PAQR3: variants seen among roughly 807,000 people sequenced by gnomAD.
The protein encoded by PAQR3 is Raf kinase trapping to Golgi.
PAQR3 carries 39 observed loss-of-function variants against 41.7 expected under a neutral mutation model. That is an observed-to-expected ratio of 0.93 (90% confidence interval 0.72 to 1.22). The LOEUF is 1.22. PAQR3 is among the 50% of genes most tolerant of loss of function. The pLI is 0.00. For synonymous variants in PAQR3, 140 were observed against 140.6 expected, an observed-to-expected ratio of 1.00 and a Z score of 0.03; for missense variants, 366 against 385.6, an observed-to-expected ratio of 0.95 and a Z score of 0.42.
In PAQR3 at chr4:78,938,946, C is replaced by T. The variant is rs142357688; in HGVS notation, c.185+94G>A. 2.3e-4 allele frequency: 282 copies of T among 1,246,466 alleles called. 1 individual carries two copies. The highest frequency in any genetic ancestry group is 2.9e-4 in the Non-Finnish European group (262 of 896,246). The allele number at this position is 1,246,466 out of a possible 1,614,324, so 77.2% of individuals were successfully genotyped here. On this transcript the variant is annotated intron_variant, in intron 1 of 5. Coordinates refer to ENST00000512733, the MANE Select transcript of PAQR3 (RefSeq NM_001040202.2). ...GATGGGGCGGCGAGGAAATGATGGG[C>T]AAGCAGAAAGGCGGGGAAAGCAGAA...
At position 78,914,906 on chromosome 4, in the gene PAQR3, G is replaced by A. The variant is rs1442091017; in HGVS notation, c.*5633C>T. 1 of 151,824 alleles carries A rather than the reference G, an allele frequency of 6.6e-6. No homozygotes were observed. The highest frequency in any genetic ancestry group is 2.4e-5 in the African/African-American group (1 of 41,394). The allele number at this position is 151,824 out of a possible 1,614,324, so 9.4% of individuals were successfully genotyped here. ...TTTCTTAACAGCTTTAATAATGCTT[G>A]TTGATTTTGAATAATCCTTTAAAAA... On this transcript the variant is annotated 3_prime_UTR_variant, in exon 6 of 6. Transcript: ENST00000512733.
chr4:78,926,979 AG>A (rs1254456490), intron 3 of PAQR3, among the ~76,000 whole-genome samples: 1 of 152,198 alleles, frequency 6.6e-6, no homozygotes, highest in East Asian at 1.9e-4. Flanking sequence ...ATTATCTGCC[AG>A]GCACAGTTCA....
At chr4:78,928,307 A>G (rs1736460339) in intron 3 of PAQR3, among the ~76,000 whole-genome samples, 1 of 152,204 alleles carries the variant, frequency 6.6e-6, no homozygotes, top group African/African-American at 2.4e-5. Flanking sequence ...AAGTTATGAA[A>G]GCTGGGCAGA....
At chr4:78,894,195 G>C (rs1252362894) in intron 11 of PAQR3, among the ~76,000 whole-genome samples, 1 of 152,196 alleles carries the variant, frequency 6.6e-6, no homozygotes, top group Admixed American at 6.5e-5. Context: ...GTAAGCATTG[G>C]TTTCAACTTA....
chr4:78,922,283 G>A, intron 5 of PAQR3: 1 of 1,265,180 alleles, frequency 7.9e-7, no homozygotes, highest in Non-Finnish European at 1.0e-6. Context: ...AAGCTCAGTG[G>A]TGAAAAACCA....
chr4:78,935,579 A>G (rs1430426419), intron 1 of PAQR3, among the ~76,000 whole-genome samples: 5 of 152,212 alleles, frequency 3.3e-5, no homozygotes, highest in South Asian at 2.1e-4. Flanking sequence ...CAGCCTATCA[A>G]TTCCCTAATG....
chr4:78,897,496 T>C (rs61229033), intron 11 of PAQR3, among the ~76,000 whole-genome samples: 1,835 of 152,248 alleles, frequency 0.012, 37 homozygotes, highest in African/African-American at 0.04. Context: ...TTGAATAATA[T>C]AGGAAAAACA....
intron 11 of PAQR3, among the ~76,000 whole-genome samples, chr4:78,904,416 GAC>G (rs1362853451): frequency 6.6e-6 from 1 of 151,796 alleles, no homozygotes; most frequent in Non-Finnish European, 1.5e-5. Context: ...GTGTCCTCTT[GAC>G]ACTTATTTCA....
chr4:78,911,584 C>G (rs764908321), downstream of PAQR3: 1 of 1,614,034 alleles, frequency 6.2e-7, no homozygotes, highest in Non-Finnish European at 8.5e-7. Context: ...GCCTACCTAT[C>G]GCACTCCAGA....
chr4:78,906,115 T>C (rs954630191), exon 11 of PAQR3: 1 of 152,112 alleles, frequency 6.6e-6, no homozygotes. Flanking sequence ...TACCTTGGAT[T>C]GTGGTAACTT....
intron 1 of PAQR3, among the ~76,000 whole-genome samples, chr4:78,937,642 C>T (rs1454787260): frequency 6.6e-6 from 1 of 152,180 alleles, no homozygotes; most frequent in African/African-American, 2.4e-5. Flanking sequence ...GAAGCAGATA[C>T]TGTGATTACC....
chr4:78,936,151 A>C (rs1212376891), intron 1 of PAQR3, among the ~76,000 whole-genome samples: 1 of 152,220 alleles, frequency 6.6e-6, no homozygotes, highest in Non-Finnish European at 1.5e-5. Context: ...ATGCTGCTGC[A>C]ACTTTCTTCT....
At chr4:78,933,860 T>C (rs1449186271) in intron 2 of PAQR3, among the ~76,000 whole-genome samples, 1 of 152,208 alleles carries the variant, frequency 6.6e-6, no homozygotes. Context: ...GCATAAAGAA[T>C]AGGCCTAGGG....
chr4:78,918,550 A>AT lies in PAQR3; in HGVS notation c.*1988dup. On this transcript the variant is annotated 3_prime_UTR_variant, in exon 6 of 6. Coordinates refer to ENST00000512733, the MANE Select transcript of PAQR3 (RefSeq NM_001040202.2). ...AGAGTTGAAATGTTTACATGGAATA[A>AT]TTTTCCCTACAGAAAGACCTGTACA... is the stretch of plus-strand genomic sequence containing the variant. The AT allele has an allele frequency of 2.0e-6, 2 of 976,424 alleles. No individual in the cohort carries two copies. The highest frequency in any genetic ancestry group is 2.4e-6 in the Non-Finnish European group (2 of 821,396). The allele number at this position is 976,424 out of a possible 1,614,324, so 60.5% of individuals were successfully genotyped here. A position where few individuals can be genotyped will look rare whatever the true frequency, so the allele number is the denominator to read the frequency against.
At chr4:78,893,551 G>A (rs1427299304) in intron 11 of PAQR3, among the ~76,000 whole-genome samples, 1 of 152,188 alleles carries the variant, frequency 6.6e-6, no homozygotes, top group Non-Finnish European at 1.5e-5. Context: ...ATAACCTTAT[G>A]AAATGTATTT....
intron 11 of PAQR3, among the ~76,000 whole-genome samples, chr4:78,897,221 ACTTAC>A (rs1237129220): frequency 3.9e-5 from 6 of 152,044 alleles, no homozygotes; most frequent in African/African-American, 9.7e-5. Context: ...ATTTCTGGGA[ACTTAC>A]CTTAAGAAAA....
rs1307951096 is a variant in PAQR3 at position 78,914,465 on chromosome 4, A to G, written c.*6074T>C. On this transcript the variant is annotated 3_prime_UTR_variant, in exon 6 of 6. Transcript: ENST00000512733. ...GTGTTGTAGTAGAGGCATTTTCCTA[A>G]GGAGTATAGATTTATACTTTGCATT... 1 of 151,998 alleles carries G rather than the reference A, an allele frequency of 6.6e-6. No individual in the cohort carries two copies. Among genetic ancestry groups the G allele is most frequent in the Non-Finnish European group, 1.5e-5 (1 of 67,934 alleles). 9.4% of individuals were successfully genotyped at this position (151,998 alleles called of 1,614,324 possible). A position where few individuals can be genotyped will look rare whatever the true frequency, so the allele number is the denominator to read the frequency against.
chr4:78,929,402 T>C (rs943515487), intron 3 of PAQR3, among the ~76,000 whole-genome samples: 1 of 152,176 alleles, frequency 6.6e-6, no homozygotes, highest in Admixed American at 6.5e-5. Flanking sequence ...ACTGAAACCA[T>C]GGGAACATTG....
At chr4:78,905,587 A>C (rs1254121347) in intron 11 of PAQR3, among the ~76,000 whole-genome samples, 2 of 151,962 alleles carry the variant, frequency 1.3e-5, no homozygotes, top group African/African-American at 4.8e-5. Flanking sequence ...TACTTGAAGA[A>C]CAGCTATTTT....
Sources: allele counts gnomAD v4.1 joint callset (sites outside exome capture counted in the v4.1 genomes callset), GRCh38; gene constraint gnomAD v4.1.1; transcripts MANE v1.5; gene names NCBI Gene and HGNC (gene_info 2026-07-23, HGNC 2026-07-21).